The following SYT7 variants were observed in gnomAD, a reference collection of about 807,000 sequenced individuals.
SYT7 encodes synaptotagmin-7.
In SYT7, 29 loss-of-function variants were observed where a neutral mutation model predicts 75.1. That is an observed-to-expected ratio of 0.39 (90% CI 0.29 to 0.53). The LOEUF (loss-of-function observed/expected upper bound fraction) is 0.53, where lower values mean the gene tolerates loss of function less well. Ranked by LOEUF, SYT7 falls within the 20% of genes least tolerant of loss-of-function variation. The pLI is 0.77. For missense variants in SYT7, 693 were observed against 953.2 expected, an observed-to-expected ratio of 0.73 and a Z score of 3.59; for synonymous variants, 376 against 401.7, an observed-to-expected ratio of 0.94 and a Z score of 0.76.
At chr11:61,543,115 C>A (rs1222444366) in intron 5 of SYT7, among the ~76,000 whole-genome samples, 1 of 152,220 alleles carries the variant, frequency 6.6e-6, no homozygotes, top group South Asian at 2.1e-4. Context: ...GCCGGGGAAG[C>A]CATCAGTTCT....
intron 8 of SYT7, 21 bp downstream of exon 8, chr11:61,532,968 C>T (rs371580147): frequency 1.1e-4 from 170 of 1,611,806 alleles, no homozygotes; most frequent in Admixed American, 5.7e-4. Flanking sequence ...CTTGGAGCAG[C>T]GCAGGCTCCC....
chr11:61,572,817 C>G (rs2063958568), intron 1 of SYT7, among the ~76,000 whole-genome samples: 1 of 152,138 alleles, frequency 6.6e-6, no homozygotes, highest in African/African-American at 2.4e-5. Context: ...CCCATCTGAC[C>G]CCCACTCAGG....
chr11:61,547,142 C>G, intron 4 of SYT7, 35 bp downstream of exon 4: 3 of 1,532,996 alleles, frequency 2.0e-6, no homozygotes. Flanking sequence ...CGCGGATACT[C>G]GGTACATATG....
At position 61,580,471 on chromosome 11, in the gene SYT7, G is replaced by A. The variant is rs899297159; in HGVS notation, c.31+319C>T. ...TCGGGTGCCTCTGAGGGCACTGCCC[G>A]GCTCCCACAGGGGCAGCGGCTCCTC... On this transcript the variant is annotated intron_variant, in intron 1 of 12. Transcript: ENST00000539008. This position sits in a 1 kb window ranked among gnomAD's most constrained non-coding sequence, Gnocchi z 6.1. Among the ~76,000 whole-genome samples, 1 of 152,096 alleles carries A rather than the reference G, an allele frequency of 6.6e-6. No homozygotes were observed. The highest frequency in any genetic ancestry group is 1.5e-5 in the Non-Finnish European group (1 of 68,008).
chr11:61,520,564 C>T (rs1268394195), intron 12 of SYT7, among the ~76,000 whole-genome samples: 2 of 151,016 alleles, frequency 1.3e-5, no homozygotes, highest in African/African-American at 4.9e-5. Flanking sequence ...GTGGCTCCTG[C>T]CTATAATCCC....
intron 3 of SYT7, 68 bp from the exon 4 acceptor site, chr11:61,547,376 C>CG: frequency 6.6e-7 from 1 of 1,518,138 alleles, no homozygotes; most frequent in East Asian, 2.5e-5. Flanking sequence ...GCAAGTCCTG[C>CG]GGGGGCAGAA....
intron 1 of SYT7, among the ~76,000 whole-genome samples, chr11:61,574,274 A>T (rs2064005623): frequency 6.6e-6 from 1 of 151,970 alleles, no homozygotes; most frequent in African/African-American, 2.4e-5. Flanking sequence ...CCATCATCAT[A>T]CCCATTTAAC....
At chr11:61,547,412 C>G (rs994017248) in intron 3 of SYT7, 104 bp from the exon 4 acceptor site, 9 of 1,372,282 alleles carry the variant, frequency 6.6e-6, no homozygotes, top group Non-Finnish European at 8.8e-6. Flanking sequence ...GGGCCGGGCA[C>G]ACAGTGGGCG....
chr11:61,582,456 C>T (rs1314569174), upstream of SYT7, among the ~76,000 whole-genome samples: 2 of 152,070 alleles, frequency 1.3e-5, no homozygotes, highest in Non-Finnish European at 2.9e-5. Context: ...CCGACACACA[C>T]ACAAACAGAC....
intron 8 of SYT7, among the ~76,000 whole-genome samples, chr11:61,531,433 G>A (rs889648014): frequency 1.1e-4 from 16 of 152,108 alleles, no homozygotes; most frequent in Non-Finnish European, 2.1e-4. Context: ...ATCCAGAAGA[G>A]AAGACAGCTG....
chr11:61,546,224 C>T lies in SYT7; in HGVS notation c.379G>A (p.Ala127Thr), dbSNP rs1049196339. 1.3e-4 allele frequency: 191 copies of T among 1,464,678 alleles called. No individual in the cohort carries two copies. Among genetic ancestry groups the T allele is most frequent in the Non-Finnish European group, 1.6e-4 (178 of 1,118,724 alleles). The allele number at this position is 1,464,678 out of a possible 1,614,324, so 90.7% of individuals were successfully genotyped here. Reference protein sequence around the residue: ...GTLLSGAKVAAAAGLAVEREG... With the variant: ...GTLLSGAKVATAAGLAVEREG... ...CGCTCCACCGCCAGCCCCGCCGCGG[C>T]GGCCACTTTGGCGCCCGACAGGAGG... Residue 127 changes from alanine to threonine, a missense_variant, in exon 5 of 13, where the codon GCC becomes ACC. Physicochemically the swap from Ala to Thr is moderately conservative, Grantham distance 58. This residue lies in a region of SYT7 where 487 missense variants were observed against 593.2 expected (regional missense o/e 0.82). Transcript: ENST00000539008. The surrounding 1 kb of genome is among the most constrained non-coding windows in gnomAD (Gnocchi z 7.6).
intron 9 of SYT7, chr11:61,526,693 C>T (rs1025258868): frequency 1.3e-5 from 2 of 152,210 alleles, no homozygotes; most frequent in South Asian, 2.1e-4. Context: ...AAAACTTCGC[C>T]CTGCCAGCTG....
chr11:61,535,683 C>A (rs987370917), intron 7 of SYT7, among the ~76,000 whole-genome samples: 1 of 152,106 alleles, frequency 6.6e-6, no homozygotes, highest in Non-Finnish European at 1.5e-5. Context: ...GGACACACTC[C>A]CACGCTGCTT....
Position 61,524,077 on chromosome 11 carries a change from T to C in SYT7, c.1642-136A>G, listed in dbSNP as rs554529265. 7 of 827,080 alleles carry C rather than the reference T, an allele frequency of 8.5e-6. No individual in the cohort carries two copies. In the African/African-American group the frequency reaches 1.2e-4, roughly 14 times the overall value. The allele number at this position is 827,080 out of a possible 1,614,324, so 51.2% of individuals were successfully genotyped here. A position where few individuals can be genotyped will look rare whatever the true frequency, so the allele number is the denominator to read the frequency against. ...TGTCTGTCACCTCTGTCTCACTCTG[T>C]CTCCCCCCATCTGGCAGGTGTGTGT... On this transcript the variant is annotated intron_variant, in intron 10 of 12. Transcript: ENST00000539008. This position sits in a 1 kb window ranked among gnomAD's most constrained non-coding sequence, Gnocchi z 4.1.
chr11:61,562,900 G>A (rs2063674701), intron 1 of SYT7, among the ~76,000 whole-genome samples: 1 of 152,172 alleles, frequency 6.6e-6, no homozygotes, highest in East Asian at 1.9e-4. Flanking sequence ...ATCAAACAGG[G>A]CTGCTGGCTG....
rs2063200738 is a variant in SYT7, at chr11:61,546,653, G to A, written c.348-398C>T. 1 of 465,160 alleles carries A rather than the reference G, an allele frequency of 2.1e-6. No homozygotes were observed. The highest frequency in any genetic ancestry group is 1.5e-5 in the South Asian group (1 of 64,634). 28.8% of individuals were successfully genotyped at this position (465,160 alleles called of 1,614,324 possible). A position where few individuals can be genotyped will look rare whatever the true frequency, so the allele number is the denominator to read the frequency against. ...CAACGAAGGGTTAACGACGGAGGAA[G>A]AGCGGGCTGTCCAGGCCAGGAGGCC... is the stretch of plus-strand genomic sequence containing the variant. On this transcript the variant is annotated intron_variant, in intron 4 of 12. Transcript: ENST00000539008. The surrounding 1 kb of genome is among the most constrained non-coding windows in gnomAD (Gnocchi z 7.6).
Position 61,566,941 on chromosome 11 carries a change from C to T in SYT7, c.32-10734G>A, listed in dbSNP as rs529787708. On this transcript the variant is annotated intron_variant, in intron 1 of 12. Transcript: ENST00000539008. ...GCCACCTGCCCGAATGCCCTTCCAC[C>T]TGAGGCTTGGAGCCGTGAAGGCCAC... 3.9e-5 allele frequency among the ~76,000 whole-genome samples: 6 copies of T among 152,320 alleles called. No homozygotes were observed. The South Asian group carries it at 1.2e-3, about 32-fold the overall frequency.
At chr11:61,533,343 G>T in intron 7 of SYT7, 1 of 985,400 alleles carries the variant, frequency 1.0e-6, no homozygotes, top group Non-Finnish European at 1.2e-6. Context: ...GGCGACTGTG[G>T]CTTAACTACT....
At position 61,551,261 on chromosome 11, in the gene SYT7, G is replaced by A; in HGVS notation, c.215+123C>T. 2.2e-6 allele frequency: 2 copies of A among 912,324 alleles called. No individual in the cohort carries two copies. The highest frequency in any genetic ancestry group is 3.4e-6 in the Non-Finnish European group (2 of 582,488). 56.5% of individuals were successfully genotyped at this position (912,324 alleles called of 1,614,324 possible). ...GGTGTGTGGAGGGTGTAGAGAGCAT[G>A]GCATCGGGGTGTGGGGGAAGTGAAA... On this transcript the variant is annotated intron_variant, in intron 3 of 12. Coordinates refer to ENST00000539008, the MANE Select transcript of SYT7 (RefSeq NM_001365809.2). The surrounding 1 kb of genome is among the most constrained non-coding windows in gnomAD (Gnocchi z 5.3).
Sources: allele counts gnomAD v4.1 joint callset (sites outside exome capture counted in the v4.1 genomes callset), GRCh38; gene constraint gnomAD v4.1.1; regional missense constraint gnomAD v4.1.1; non-coding constraint Gnocchi (gnomAD v3.1); transcripts MANE v1.5; gene names NCBI Gene and HGNC (gene_info 2026-07-23, HGNC 2026-07-21).